NYAP2: variants seen among roughly 807,000 people sequenced by gnomAD.
NYAP2 encodes neuronal tyrosine-phosphorylated phosphoinositide-3-kinase adapter 2.
NYAP2 carries 23 observed loss-of-function variants against 50.4 expected under a neutral mutation model. The ratio of observed to expected loss-of-function variants is 0.46; its 90% CI spans 0.33 to 0.65. The LOEUF (loss-of-function observed/expected upper bound fraction) is 0.65. Among genes scored for constraint, NYAP2 ranks in the 30% least tolerant of loss-of-function variants. The pLI is 0.02. For missense variants in NYAP2, 885 were observed against 861.0 expected (o/e 1.03, Z -0.35); for synonymous variants, 394 against 365.2 (o/e 1.08, Z -0.90).
chr2:225,563,217 G>A (rs1691903766), intron 4 of NYAP2, among the ~76,000 whole-genome samples: 1 of 152,142 alleles, frequency 6.6e-6, no homozygotes, highest in South Asian at 2.1e-4. Flanking sequence ...ACCTAGAGAT[G>A]GTGGCAAGAA....
intron 4 of NYAP2, among the ~76,000 whole-genome samples, chr2:225,570,472 C>T (rs1692048932): frequency 6.6e-6 from 1 of 152,064 alleles, no homozygotes; most frequent in Non-Finnish European, 1.5e-5. Flanking sequence ...GCTGGGGAGG[C>T]CTCAGGAAAC....
At chr2:225,697,900 T>C in the NYAP2 span, among the ~76,000 whole-genome samples, 4 of 151,882 alleles carry the variant, frequency 2.6e-5, no homozygotes, top group Non-Finnish European at 4.4e-5. Flanking sequence ...GGACTGGGCA[T>C]AGTAGCTCAC....
intron 4 of NYAP2, among the ~76,000 whole-genome samples, chr2:225,557,024 G>A (rs184321743): frequency 2.0e-5 from 3 of 152,276 alleles, no homozygotes; most frequent in Admixed American, 2.0e-4. Flanking sequence ...CTTTTCTCAT[G>A]AGCATGGTTG....
intron 6 of NYAP2, among the ~76,000 whole-genome samples, chr2:225,643,406 C>A (rs1480610343): frequency 6.6e-6 from 1 of 151,838 alleles, no homozygotes; most frequent in Non-Finnish European, 1.5e-5. Flanking sequence ...TAAAAAGTTA[C>A]CTTTTCTTTT....
chr2:225,580,904 C>T (rs1692259959), intron 4 of NYAP2, among the ~76,000 whole-genome samples: 1 of 152,172 alleles, frequency 6.6e-6, no homozygotes, highest in Admixed American at 6.5e-5. Context: ...CTGTAAGCAA[C>T]CACATTCTGC....
At chr2:225,511,679 T>A (rs1690821062) in intron 3 of NYAP2, among the ~76,000 whole-genome samples, 1 of 152,180 alleles carries the variant, frequency 6.6e-6, no homozygotes, top group Non-Finnish European at 1.5e-5. Context: ...CTTGTTAAAT[T>A]CTTCTTGTCT....
chr2:225,545,192 G>A (rs1226580419), intron 4 of NYAP2, among the ~76,000 whole-genome samples: 1 of 152,036 alleles, frequency 6.6e-6, no homozygotes, highest in Non-Finnish European at 1.5e-5. Context: ...TCTGCTTGAT[G>A]TTCTATAACC....
At chr2:225,688,846 G>A in the NYAP2 span, among the ~76,000 whole-genome samples, 3 of 152,112 alleles carry the variant, frequency 2.0e-5, no homozygotes, top group Admixed American at 6.6e-5. Flanking sequence ...GGGCTTAAGC[G>A]ATTCTCCTGC....
At chr2:225,542,665 A>T (rs1452994775) in intron 4 of NYAP2, among the ~76,000 whole-genome samples, 1 of 152,084 alleles carries the variant, frequency 6.6e-6, no homozygotes, top group Non-Finnish European at 1.5e-5. Context: ...TGTTCAATTC[A>T]GTTTGCTAGT....
chr2:225,643,712 C>A (rs1298543822), intron 6 of NYAP2, among the ~76,000 whole-genome samples: 2 of 151,550 alleles, frequency 1.3e-5, no homozygotes, highest in Non-Finnish European at 2.9e-5. Flanking sequence ...TTTGTTCTTG[C>A]GATAGTTTAC....
chr2:225,447,571 A>G (rs537135746), intron 3 of NYAP2, among the ~76,000 whole-genome samples: 1 of 152,342 alleles, frequency 6.6e-6, no homozygotes, highest in South Asian at 2.1e-4. Flanking sequence ...AATAAGAATA[A>G]TGTTGAGTAC....
intron 3 of NYAP2, among the ~76,000 whole-genome samples, chr2:225,429,184 T>A (rs1423764667): frequency 2.0e-5 from 3 of 151,954 alleles, no homozygotes; most frequent in African/African-American, 7.3e-5. Context: ...GCTGGGGGTG[T>A]CGAGGGGGGA....
chr2:225,626,065 T>A (rs1693206145), intron 5 of NYAP2, among the ~76,000 whole-genome samples: 1 of 152,162 alleles, frequency 6.6e-6, no homozygotes, highest in African/African-American at 2.4e-5. Flanking sequence ...GAGAGAAAAG[T>A]TTCTAGCTTG....
chr2:225,613,652 G>T (rs550162396), intron 5 of NYAP2, among the ~76,000 whole-genome samples: 2 of 152,262 alleles, frequency 1.3e-5, no homozygotes, highest in African/African-American at 4.8e-5. Context: ...CAGTGTTGAT[G>T]CTGCTGCTGT....
At chr2:225,445,162 G>A (rs1243688923) in intron 3 of NYAP2, among the ~76,000 whole-genome samples, 1 of 152,026 alleles carries the variant, frequency 6.6e-6, no homozygotes, top group East Asian at 1.9e-4. Context: ...TGTTTCAACT[G>A]CTCTAACTAC....
chr2:225,565,062 C>A (rs1234355081), intron 4 of NYAP2, among the ~76,000 whole-genome samples: 1 of 151,174 alleles, frequency 6.6e-6, no homozygotes, highest in African/African-American at 2.4e-5. Context: ...CCTTGTGGGG[C>A]AGAGGTTGCA....
chr2:225,644,323 T>C (rs966030452), intron 6 of NYAP2, among the ~76,000 whole-genome samples: 2 of 151,976 alleles, frequency 1.3e-5, no homozygotes, highest in Non-Finnish European at 2.9e-5. Flanking sequence ...TTGAGTTCAT[T>C]GTAGATTCTG....
intron 5 of NYAP2, among the ~76,000 whole-genome samples, chr2:225,611,717 A>G (rs1242410023): frequency 6.6e-6 from 1 of 151,956 alleles, no homozygotes; most frequent in East Asian, 1.9e-4. Flanking sequence ...TTACATTAGG[A>G]GTTCTATTCA....
At chr2:225,561,787 C>A (rs1574679148) in intron 4 of NYAP2, among the ~76,000 whole-genome samples, 1 of 152,170 alleles carries the variant, frequency 6.6e-6, no homozygotes, top group East Asian at 1.9e-4. Context: ...TAGTAGCCTG[C>A]ACATATCATT....
Sources: gnomAD v4.1 joint callset for allele counts (sites outside exome capture counted in the v4.1 genomes callset) on GRCh38, gnomAD v4.1.1 for gene constraint, MANE v1.5 for transcripts, NCBI Gene and HGNC (gene_info 2026-07-23, HGNC 2026-07-21) for gene names.